The following NRG3 variants were observed in gnomAD, a reference collection of about 807,000 sequenced individuals.
NRG3 encodes the protein pro-neuregulin-3, membrane-bound isoform.
NRG3 carries 31 observed loss-of-function variants against 66.9 expected under a neutral mutation model. That is an observed-to-expected ratio of 0.46 (90% CI 0.35 to 0.63). The LOEUF (loss-of-function observed/expected upper bound fraction) is 0.63, where lower values mean the gene tolerates loss of function less well. Ranked by LOEUF, NRG3 falls within the 20% of genes least tolerant of loss-of-function variation. The probability of loss-of-function intolerance (pLI) is 0.00; values close to 1 mark genes in which losing one functional copy is unlikely to be tolerated. For missense variants in NRG3, 910 were observed against 878.9 expected (o/e 1.04, Z -0.45); for synonymous variants, 393 against 359.4 (o/e 1.09, Z -1.06).
At chr10:82,543,929 A>C (rs1427656273) in intron 2 of NRG3, among the ~76,000 whole-genome samples, 1 of 152,182 alleles carries the variant, frequency 6.6e-6, no homozygotes, top group African/African-American at 2.4e-5. Context: ...ATGACAACTA[A>C]GCAAAGACTT....
intron 4 of NRG3, among the ~76,000 whole-genome samples, chr10:82,900,687 T>G (rs2131876407): frequency 6.6e-6 from 1 of 152,268 alleles, no homozygotes; most frequent in South Asian, 2.1e-4. Context: ...GGTATAATGA[T>G]CCCCATTTTA....
chr10:81,956,185 G>A (rs993580804), intron 1 of NRG3, among the ~76,000 whole-genome samples: 2 of 152,078 alleles, frequency 1.3e-5, no homozygotes, highest in Admixed American at 6.5e-5. Context: ...GTGATGTTTG[G>A]TGACTTCCAA....
chr10:82,720,805 T>TTTTATATATATATATATATATA (rs2057251997), intron 2 of NRG3, among the ~76,000 whole-genome samples: 1 of 63,504 alleles, frequency 1.6e-5, no homozygotes, highest in African/African-American at 7.3e-5. Flanking sequence ...TAGGAGTATT[T>TTTTATATATATATATATATATA]TATACATATA....
At chr10:82,103,343 T>G (rs1481117934) in intron 1 of NRG3, among the ~76,000 whole-genome samples, 1 of 152,110 alleles carries the variant, frequency 6.6e-6, no homozygotes, top group East Asian at 1.9e-4. Flanking sequence ...TTGGGTTGAG[T>G]TCTGAACATA....
chr10:82,986,648 G>A lies in NRG3; in HGVS notation c.*1043G>A, dbSNP rs1805945155. On this transcript the variant is annotated 3_prime_UTR_variant, in exon 9 of 9. Transcript: ENST00000372141. ...CGTATAAAACTCTTGACACTGTCTA[G>A]ACCATTTTCTGATGTGAATACTTTT... is the stretch of plus-strand genomic sequence containing the variant. 1 of 152,136 alleles carries A rather than the reference G, an allele frequency of 6.6e-6. No individual in the cohort carries two copies. Among genetic ancestry groups the A allele is most frequent in the Admixed American group, 6.5e-5 (1 of 15,280 alleles). The allele number at this position is 152,136 out of a possible 1,614,324, so 9.4% of individuals were successfully genotyped here. A position where few individuals can be genotyped will look rare whatever the true frequency, so the allele number is the denominator to read the frequency against.
chr10:82,489,767 C>A (rs898949809), intron 2 of NRG3, among the ~76,000 whole-genome samples: 3 of 152,078 alleles, frequency 2.0e-5, no homozygotes, highest in African/African-American at 7.2e-5. Context: ...TTATTGTATT[C>A]TTATCAAAAT....
chr10:82,020,531 G>T (rs769113568), intron 1 of NRG3, among the ~76,000 whole-genome samples: 1 of 152,018 alleles, frequency 6.6e-6, no homozygotes, highest in South Asian at 2.1e-4. Flanking sequence ...AGGTATACAC[G>T]ATCTCAATAA....
At chr10:82,615,952 T>C (rs2048619077) in intron 2 of NRG3, among the ~76,000 whole-genome samples, 1 of 152,172 alleles carries the variant, frequency 6.6e-6, no homozygotes, top group Admixed American at 6.6e-5. Flanking sequence ...TAGAATGTAC[T>C]TTAGATATTA....
At chr10:82,937,723 T>G (rs1237803717) in intron 4 of NRG3, among the ~76,000 whole-genome samples, 1 of 152,154 alleles carries the variant, frequency 6.6e-6, no homozygotes, top group Non-Finnish European at 1.5e-5. Flanking sequence ...TTGAACACAG[T>G]TTGAACAGTT....
chr10:82,503,077 G>A (rs781026916), intron 2 of NRG3, among the ~76,000 whole-genome samples: 1 of 152,300 alleles, frequency 6.6e-6, no homozygotes, highest in Non-Finnish European at 1.5e-5. Context: ...TCATTTTGTA[G>A]CTTATCCATT....
At chr10:82,085,224 C>A (rs1341365328) in intron 1 of NRG3, among the ~76,000 whole-genome samples, 1 of 152,096 alleles carries the variant, frequency 6.6e-6, no homozygotes, top group African/African-American at 2.4e-5. Context: ...AAAATACATG[C>A]TTTACCAGGA....
At position 81,903,996 on chromosome 10, in the gene NRG3, ATT is replaced by A. The variant is rs555278247; in HGVS notation, c.823+27844_823+27845del. 3.3e-3 allele frequency among the ~76,000 whole-genome samples: 300 copies of A among 91,934 alleles called. 2 individuals carry two copies. Among genetic ancestry groups the A allele is most frequent in the African/African-American group, 0.011 (224 of 20,942 alleles). 60.3% of individuals were successfully genotyped at this position (91,934 alleles called of 152,430 possible). A position where few individuals can be genotyped will look rare whatever the true frequency, so the allele number is the denominator to read the frequency against. The stretch of plus-strand genomic sequence containing the variant: ...TGTGTATATATATATATATATATAT[ATT>A]TTTTTTTTTTGTTTGTTTGTTTGTT... On this transcript the variant is annotated intron_variant, in intron 1 of 8. Transcript: ENST00000372141.
At chr10:81,918,385 A>G (rs11191796) in intron 1 of NRG3, among the ~76,000 whole-genome samples, 9,606 of 152,228 alleles carry the variant, frequency 0.063, 636 homozygotes, top group East Asian at 0.22. Flanking sequence ...TCTCTCTGTT[A>G]TATGGGCAGA....
Position 82,375,266 on chromosome 10 carries a change from G to A in NRG3, c.953+16398G>A, listed in dbSNP as rs886627132. On this transcript the variant is annotated intron_variant, in intron 2 of 8. Transcript: ENST00000372141. ...AAATTACTGATTTTTAGCTGGGTGC[G>A]GTGGCTCATGCCTGTAATCCCAGCA... Among the ~76,000 whole-genome samples the A allele has an allele frequency of 3.3e-5, 5 of 152,124 alleles. No homozygotes were observed. The East Asian group carries it at 5.8e-4, about 18-fold the overall frequency.
At chr10:82,603,103 T>A (rs531148251) in intron 2 of NRG3, among the ~76,000 whole-genome samples, 1 of 152,338 alleles carries the variant, frequency 6.6e-6, no homozygotes, top group East Asian at 1.9e-4. Context: ...TATTTGTATG[T>A]ACATTATTGT....
chr10:81,979,051 T>C (rs1396074420), intron 1 of NRG3, among the ~76,000 whole-genome samples: 2 of 151,966 alleles, frequency 1.3e-5, no homozygotes, highest in African/African-American at 4.8e-5. Context: ...TAGCTGGGCG[T>C]AGTGGCGCAC....
chr10:82,768,643 T>C (rs2059605140), intron 3 of NRG3, among the ~76,000 whole-genome samples: 1 of 152,184 alleles, frequency 6.6e-6, no homozygotes, highest in Non-Finnish European at 1.5e-5. Context: ...GTATGCAGTA[T>C]ATAAAACATT....
At chr10:81,932,238 GGAGAGAGAGGAGA>G (rs1361172842) in intron 1 of NRG3, among the ~76,000 whole-genome samples, 1 of 149,864 alleles carries the variant, frequency 6.7e-6, no homozygotes, top group Non-Finnish European at 1.5e-5. Flanking sequence ...TTGAGAGAGA[GGAGAGAGAGGAGA>G]GAGAGAGAGA....
chr10:82,327,872 T>C (rs745413380), intron 1 of NRG3, among the ~76,000 whole-genome samples: 2 of 152,182 alleles, frequency 1.3e-5, no homozygotes, highest in Non-Finnish European at 2.9e-5. Flanking sequence ...CCTTGGCTTG[T>C]AGTCAGCTGC....
Sources: gnomAD v4.1 joint callset for allele counts (sites outside exome capture counted in the v4.1 genomes callset) on GRCh38, gnomAD v4.1.1 for gene constraint, MANE v1.5 for transcripts, NCBI Gene and HGNC (gene_info 2026-07-23, HGNC 2026-07-21) for gene names.